The following SLC38A6 variants were observed in gnomAD, a reference collection of about 807,000 sequenced individuals.
The protein encoded by SLC38A6 is N system amino acid transporter NAT-1.
A neutral mutation model predicts 65.0 loss-of-function variants in SLC38A6; 73 were observed. The ratio of observed to expected loss-of-function variants is 1.12; its 90% confidence interval spans 0.93 to 1.37. SLC38A6 has a LOEUF of 1.37. Among genes scored for constraint, SLC38A6 ranks in the 40% most tolerant of loss-of-function variants. SLC38A6 has a pLI of 0.00. For synonymous variants in SLC38A6, 183 were observed against 178.8 expected (o/e 1.02, Z -0.19); for missense variants, 561 against 531.1 (o/e 1.06, Z -0.55).
chr14:61,043,551 A>G (rs763888681), intron 10 of SLC38A6, 48 bp downstream of exon 10: 13 of 1,421,904 alleles, frequency 9.1e-6, no homozygotes, highest in African/African-American at 4.3e-5. Flanking sequence ...TCACATTTCA[A>G]GTTTTAAGAG....
rs113342123 is a variant in SLC38A6, at chr14:60,998,780, G to A, written c.310+13977G>A. On this transcript the variant is annotated intron_variant, in intron 3 of 15. Coordinates refer to ENST00000267488, the MANE Select transcript of SLC38A6 (RefSeq NM_153811.3). Reference sequence around the variant, plus strand: ...GCTCTCCCCGCCCCCTACACCTGCCGGTCTGCGAGCTCCGCCTCCTGTAAG... The same window carrying A: ...GCTCTCCCCGCCCCCTACACCTGCCAGTCTGCGAGCTCCGCCTCCTGTAAG... 2.0e-3 allele frequency among the ~76,000 whole-genome samples: 301 copies of A among 152,272 alleles called. 3 individuals are homozygous for A. The highest frequency in any genetic ancestry group is 0.01 in the Middle Eastern group (3 of 294).
chr14:61,072,298 G>A lies in SLC38A6; in HGVS notation c.1291-6512G>A, dbSNP rs921442543. Among the ~76,000 whole-genome samples the A allele has an allele frequency of 3.9e-5, 6 of 152,072 alleles. No individual in the cohort carries two copies. In the South Asian group the frequency reaches 8.3e-4, roughly 21 times the overall value. ...ATTTATGGAGTACATGACATGTTTCGATACAGACATGCAATGTGAAACAGT... is the reference window on the plus strand; with the variant it reads ...ATTTATGGAGTACATGACATGTTTCAATACAGACATGCAATGTGAAACAGT... On this transcript the variant is annotated intron_variant, in intron 15 of 16. Transcript: ENST00000354886.
chr14:61,025,956 G>C (rs371370163), intron 5 of SLC38A6, among the ~76,000 whole-genome samples: 2 of 152,142 alleles, frequency 1.3e-5, no homozygotes, highest in East Asian at 3.8e-4. Flanking sequence ...TAGCACATCC[G>C]TTTGTTTAGG....
At chr14:61,008,337 G>A (rs902948774) in intron 3 of SLC38A6, among the ~76,000 whole-genome samples, 1 of 151,974 alleles carries the variant, frequency 6.6e-6, no homozygotes, top group Non-Finnish European at 1.5e-5. Flanking sequence ...GGTAAAGACT[G>A]TATCTGGCTT....
At chr14:61,067,775 T>C (rs1004950509) in intron 15 of SLC38A6, among the ~76,000 whole-genome samples, 3 of 152,142 alleles carry the variant, frequency 2.0e-5, no homozygotes, top group Non-Finnish European at 2.9e-5. Flanking sequence ...GTATCTGTTA[T>C]CTATGTGTTA....
intron 15 of SLC38A6, among the ~76,000 whole-genome samples, chr14:61,072,047 C>G (rs1199352886): frequency 6.6e-6 from 1 of 152,100 alleles, no homozygotes; most frequent in South Asian, 2.1e-4. Context: ...GTTGCTGGAG[C>G]CTGGGAAATC....
chr14:61,061,288 C>T (rs2042832466), intron 15 of SLC38A6, among the ~76,000 whole-genome samples: 2 of 152,200 alleles, frequency 1.3e-5, no homozygotes, highest in South Asian at 2.1e-4. Context: ...TATAAGTGTA[C>T]TTGATCATGG....
intron 3 of SLC38A6, among the ~76,000 whole-genome samples, chr14:61,001,375 A>G (rs1334509457): frequency 2.0e-5 from 3 of 152,222 alleles, no homozygotes; most frequent in Admixed American, 1.3e-4. Flanking sequence ...TTGCCTTGAC[A>G]TTAGATTAAG....
At chr14:61,049,145 C>G (rs2042348835) in intron 12 of SLC38A6, among the ~76,000 whole-genome samples, 1 of 152,146 alleles carries the variant, frequency 6.6e-6, no homozygotes, top group Non-Finnish European at 1.5e-5. Flanking sequence ...TTCTTCCAAT[C>G]CGTACTCCTG....
intron 6 of SLC38A6, 79 bp downstream of exon 6, chr14:61,030,602 T>G (rs1594658142): frequency 1.1e-6 from 1 of 948,806 alleles, no homozygotes; most frequent in East Asian, 2.5e-5. Flanking sequence ...TGGCAATACT[T>G]GTAGTGGCAG....
chr14:61,008,014 G>C (rs1367830528), intron 3 of SLC38A6, among the ~76,000 whole-genome samples: 1 of 151,998 alleles, frequency 6.6e-6, no homozygotes, highest in East Asian at 1.9e-4. Context: ...CTAGTTCTTA[G>C]TTTTGTAACT....
intron 3 of SLC38A6, among the ~76,000 whole-genome samples, chr14:61,002,824 C>A (rs1315012495): frequency 6.6e-6 from 1 of 152,070 alleles, no homozygotes. Flanking sequence ...TGCTTTCAGT[C>A]ATTTGTTTAC....
At position 60,999,462 on chromosome 14, in the gene SLC38A6, C is replaced by G. The variant is rs370646898; in HGVS notation, c.310+14659C>G. ...CCTCTGGAGCACTGATTCTGAATAC[C>G]TTCTTTTTATAACATTTTCTAAATG... On this transcript the variant is annotated intron_variant, in intron 3 of 15. Transcript: ENST00000267488. Among the ~76,000 whole-genome samples, 5 of 152,096 alleles carry G rather than the reference C, an allele frequency of 3.3e-5. No individual in the cohort carries two copies. The East Asian group carries it at 5.8e-4, about 18-fold the overall frequency.
At chr14:61,003,174 C>T (rs1203361002) in intron 3 of SLC38A6, among the ~76,000 whole-genome samples, 2 of 151,872 alleles carry the variant, frequency 1.3e-5, no homozygotes, top group African/African-American at 2.4e-5. Flanking sequence ...AAAATTCTAC[C>T]ACTTGTATTA....
chr14:61,000,378 C>A (rs1164490732), intron 3 of SLC38A6, among the ~76,000 whole-genome samples: 1 of 152,198 alleles, frequency 6.6e-6, no homozygotes, highest in African/African-American at 2.4e-5. Context: ...GCCTATAATC[C>A]CAGCACTTTG....
intron 3 of SLC38A6, among the ~76,000 whole-genome samples, chr14:61,014,750 G>A (rs566296411): frequency 1.3e-5 from 2 of 152,256 alleles, no homozygotes; most frequent in East Asian, 3.9e-4. Flanking sequence ...TGGAAGTTTT[G>A]TCTCAGAGGA....
chr14:60,986,667 T>A (rs2037471870), intron 3 of SLC38A6, among the ~76,000 whole-genome samples: 1 of 152,234 alleles, frequency 6.6e-6, no homozygotes, highest in Admixed American at 6.5e-5. Context: ...TGCTGAAACT[T>A]GAATTTTAAT....
At chr14:61,079,230 G>A (rs543329740) in intron 16 of SLC38A6, among the ~76,000 whole-genome samples, 8 of 143,992 alleles carry the variant, frequency 5.6e-5, no homozygotes, top group East Asian at 2.0e-4. Context: ...TCTGCCTCCC[G>A]GGTTCAAGCG....
chr14:61,025,681 C>A (rs926466908), intron 5 of SLC38A6, among the ~76,000 whole-genome samples: 2 of 152,018 alleles, frequency 1.3e-5, no homozygotes. Flanking sequence ...ATTTAAGATC[C>A]TGAAAATGAT....
Sources: allele counts gnomAD v4.1 joint callset (sites outside exome capture counted in the v4.1 genomes callset), GRCh38; gene constraint gnomAD v4.1.1; transcripts MANE v1.5; gene names NCBI Gene and HGNC (gene_info 2026-07-23, HGNC 2026-07-21).